Variants in PRTFDC1 observed in about 807,000 individuals in gnomAD.
PRTFDC1 encodes phosphoribosyltransferase domain-containing protein 1.
In PRTFDC1, 38 loss-of-function variants were observed where a neutral mutation model predicts 34.6. That is an observed-to-expected ratio of 1.10 (90% CI 0.85 to 1.44). The LOEUF (loss-of-function observed/expected upper bound fraction) is 1.44, where lower values mean the gene tolerates loss of function less well. Among genes scored for constraint, PRTFDC1 ranks in the 40% most tolerant of loss-of-function variants. The pLI is 0.00. For missense variants in PRTFDC1, 270 were observed against 283.0 expected (o/e 0.95, Z 0.33); for synonymous variants, 93 against 98.1 (o/e 0.95, Z 0.31).
chr10:24,922,172 A>G (rs1458107028), intron 3 of PRTFDC1, among the ~76,000 whole-genome samples: 1 of 152,238 alleles, frequency 6.6e-6, no homozygotes, highest in Admixed American at 6.5e-5. Flanking sequence ...TTGATGCTAA[A>G]TTTTACATTC....
chr10:24,856,038 C>T (rs987960120), intron 6 of PRTFDC1, among the ~76,000 whole-genome samples: 8 of 142,512 alleles, frequency 5.6e-5, no homozygotes, highest in South Asian at 2.3e-4. Context: ...TGCTCGAACC[C>T]GGGAGGGTGA....
At chr10:24,927,399 T>C (rs1848894102) in intron 3 of PRTFDC1, among the ~76,000 whole-genome samples, 1 of 152,184 alleles carries the variant, frequency 6.6e-6, no homozygotes, top group Non-Finnish European at 1.5e-5. Context: ...TATGAACTGA[T>C]TCAAACCACC....
chr10:24,853,898 G>C (rs950430482), intron 7 of PRTFDC1, among the ~76,000 whole-genome samples: 1 of 152,212 alleles, frequency 6.6e-6, no homozygotes, highest in Non-Finnish European at 1.5e-5. Context: ...TAGTGGAAGA[G>C]TCAGGGCAGT....
rs555391139 is a variant in PRTFDC1, at chr10:24,848,687, G to A, written c.*1157C>T. 2.0e-5 allele frequency: 3 copies of A among 152,032 alleles called. No homozygotes were observed. Among genetic ancestry groups the A allele is most frequent in the South Asian group, 2.1e-4 (1 of 4,816 alleles). The allele number at this position is 152,032 out of a possible 1,614,324, so 9.4% of individuals were successfully genotyped here. A position where few individuals can be genotyped will look rare whatever the true frequency, so the allele number is the denominator to read the frequency against. ...AACCTAATAACAATACGCCACATAC[G>A]GTTCAGAACCAAACAAAAGCTGCTT... is the stretch of plus-strand genomic sequence containing the variant. On this transcript the variant is annotated 3_prime_UTR_variant, in exon 9 of 9. Coordinates refer to ENST00000320152, the MANE Select transcript of PRTFDC1 (RefSeq NM_020200.7).
chr10:24,904,805 C>T (rs1848506644), intron 3 of PRTFDC1, among the ~76,000 whole-genome samples: 1 of 152,182 alleles, frequency 6.6e-6, no homozygotes, highest in South Asian at 2.1e-4. Context: ...TGGATTTCAT[C>T]CCAAATTCTA....
chr10:24,869,340 T>C (rs1300998192), intron 4 of PRTFDC1, among the ~76,000 whole-genome samples: 2 of 151,928 alleles, frequency 1.3e-5, no homozygotes, highest in African/African-American at 4.9e-5. Context: ...GCTAACAAAC[T>C]CACTCCATAA....
Position 24,952,581 on chromosome 10 carries a change from TC to T in PRTFDC1, c.-7del, listed in dbSNP as rs1398133786. 1.3e-6 allele frequency: 2 copies of T among 1,532,686 alleles called. No homozygotes were observed. The highest frequency in any genetic ancestry group is 1.8e-6 in the Non-Finnish European group (2 of 1,131,998). The allele number at this position is 1,532,686 out of a possible 1,614,324, so 94.9% of individuals were successfully genotyped here. ...TCCTCGCTGCTCCCGGCCATGTTTC[TC>T]CCGGGGAACGCGGGAAGGGAAGACG... On this transcript the variant is annotated 5_prime_UTR_variant, in exon 1 of 9. Coordinates refer to ENST00000320152, the MANE Select transcript of PRTFDC1 (RefSeq NM_020200.7). The surrounding 1 kb of genome is among the most constrained non-coding windows in gnomAD (Gnocchi z 5.1).
At chr10:24,856,804 C>G in intron 6 of PRTFDC1, 109 bp downstream of exon 6, 1 of 1,005,382 alleles carries the variant, frequency 9.9e-7, no homozygotes. Flanking sequence ...GGGAAAAGGT[C>G]ACTAGTTTGG....
chr10:24,875,173 G>A (rs1847940968), intron 3 of PRTFDC1, among the ~76,000 whole-genome samples: 1 of 152,140 alleles, frequency 6.6e-6, no homozygotes, highest in African/African-American at 2.4e-5. Flanking sequence ...GGTACAATGC[G>A]ATGTTATGAT....
At chr10:24,858,276 T>G (rs540634276) in intron 5 of PRTFDC1, 116 bp downstream of exon 5, 1 of 1,071,632 alleles carries the variant, frequency 9.3e-7, no homozygotes, top group East Asian at 2.4e-5. Flanking sequence ...TTGGAGAGCA[T>G]GCACCCAGTG....
intron 3 of PRTFDC1, among the ~76,000 whole-genome samples, chr10:24,936,951 C>T (rs1849059347): frequency 6.6e-6 from 1 of 152,182 alleles, no homozygotes; most frequent in African/African-American, 2.4e-5. Context: ...CAAATCATTA[C>T]TGCTGAGTCT....
chr10:24,860,072 G>A (rs1847651427), intron 4 of PRTFDC1, among the ~76,000 whole-genome samples: 1 of 152,074 alleles, frequency 6.6e-6, no homozygotes, highest in African/African-American at 2.4e-5. Flanking sequence ...TTATCTCTAT[G>A]ATTTATACAA....
rs370239504 is a variant in PRTFDC1, at chr10:24,927,638, G to A, written c.339+9546C>T. Among the ~76,000 whole-genome samples the A allele has an allele frequency of 2.2e-3, 323 of 148,624 alleles. 2 individuals are homozygous for A. The highest frequency in any genetic ancestry group is 1.4e-3 in the East Asian group (7 of 5,048). Reference sequence around the variant, plus strand: ...TGCTCTGTCACCAGGCTGGAGTGCAGTGGCGCAGTCTTGGCTCACTGCAAC... The same window carrying A: ...TGCTCTGTCACCAGGCTGGAGTGCAATGGCGCAGTCTTGGCTCACTGCAAC... On this transcript the variant is annotated intron_variant, in intron 3 of 8. Coordinates refer to ENST00000320152, the MANE Select transcript of PRTFDC1 (RefSeq NM_020200.7).
chr10:24,877,008 A>G (rs572233016), intron 3 of PRTFDC1, among the ~76,000 whole-genome samples: 1 of 152,070 alleles, frequency 6.6e-6, no homozygotes, highest in African/African-American at 2.4e-5. Flanking sequence ...CTTTCAACCA[A>G]CCTTGTTGTT....
chr10:24,949,739 ATTT>A (rs201933925), intron 1 of PRTFDC1, among the ~76,000 whole-genome samples: 26 of 117,014 alleles, frequency 2.2e-4, no homozygotes, highest in East Asian at 7.2e-4. Flanking sequence ...TTATTTATTT[ATTT>A]TTTTTTTTTT....
chr10:24,939,301 C>CA (rs34582221), intron 2 of PRTFDC1, among the ~76,000 whole-genome samples: 1,958 of 89,746 alleles, frequency 0.022, 46 homozygotes, highest in African/African-American at 0.062. Context: ...AACTCTGACT[C>CA]AAAAAAAAAA....
rs564894157 is a variant in PRTFDC1, at chr10:24,876,477, C to T, written c.340-4414G>A. Among the ~76,000 whole-genome samples, 236 of 152,078 alleles carry T rather than the reference C, an allele frequency of 1.6e-3. 2 individuals are homozygous for T. In the Middle Eastern group the frequency reaches 0.034, roughly 22 times the overall value. ...TTGGGAGGCCGAGGCAGGCGGATCA[C>T]GAGGTCAGGAGTTCAAGCCCAGCCT... On this transcript the variant is annotated intron_variant, in intron 3 of 8. Transcript: ENST00000320152.
chr10:24,937,937 C>G (rs948138484), intron 2 of PRTFDC1, among the ~76,000 whole-genome samples: 2 of 151,996 alleles, frequency 1.3e-5, no homozygotes, highest in African/African-American at 4.8e-5. Flanking sequence ...TAAAAAGGAA[C>G]ATTTGGGCCA....
At chr10:24,912,851 C>A (rs1336289652) in intron 3 of PRTFDC1, among the ~76,000 whole-genome samples, 1 of 152,072 alleles carries the variant, frequency 6.6e-6, no homozygotes, top group African/African-American at 2.4e-5. Context: ...CACCTCTGAA[C>A]TGGCCTTGCT....
Sources: allele counts gnomAD v4.1 joint callset (sites outside exome capture counted in the v4.1 genomes callset), GRCh38; gene constraint gnomAD v4.1.1; non-coding constraint Gnocchi (gnomAD v3.1); transcripts MANE v1.5; gene names NCBI Gene and HGNC (gene_info 2026-07-23, HGNC 2026-07-21).